Variants in TRMT2B observed in about 807,000 individuals in gnomAD.
The protein encoded by TRMT2B is tRNA methyltransferase 2B, also known as tRNA (uracil-5-)-methyltransferase homolog B.
A neutral mutation model predicts 39.7 loss-of-function variants in TRMT2B; 34 were observed. The ratio of observed to expected loss-of-function variants is 0.86; its 90% CI spans 0.65 to 1.14. The LOEUF is 1.14. TRMT2B is among the 50% of genes most tolerant of loss of function. TRMT2B has a pLI of 0.00. For missense variants in TRMT2B, 318 were observed against 377.2 expected (o/e 0.84, Z 1.30); for synonymous variants, 132 against 137.3 (o/e 0.96, Z 0.27).
chrX:101,000,776 C>A, the TRMT2B span, among the ~76,000 whole-genome samples: 1 of 111,354 alleles, frequency 9.0e-6, no homozygotes, highest in South Asian at 3.8e-4. Context: ...CTTGGCTACA[C>A]AACAGTCATC....
intron 3 of TRMT2B, among the ~76,000 whole-genome samples, 189 bp downstream of exon 3, chrX:101,041,853 C>T (rs969659469): frequency 1.8e-5 from 2 of 111,812 alleles, no homozygotes; most frequent in African/African-American, 3.2e-5. Flanking sequence ...ACAAAGAGAA[C>T]GGTTTCTGCA....
At chrX:101,047,936 C>A (rs1230217044) in intron 2 of TRMT2B, among the ~76,000 whole-genome samples, 3 of 110,308 alleles carry the variant, frequency 2.7e-5, no homozygotes, top group African/African-American at 9.9e-5. Flanking sequence ...GAATTATAGG[C>A]ATGAGCCACC....
the TRMT2B span, among the ~76,000 whole-genome samples, chrX:100,985,507 T>A: frequency 8.9e-6 from 1 of 111,743 alleles, no homozygotes; most frequent in East Asian, 2.8e-4. Context: ...GATCTAACTA[T>A]ATTTCCCTAC....
At chrX:101,018,048 T>G (rs777416138) in intron 13 of TRMT2B, among the ~76,000 whole-genome samples, 149 of 111,270 alleles carry the variant, frequency 1.3e-3, no homozygotes, top group Non-Finnish European at 1.7e-3. Flanking sequence ...CTGGGCAACA[T>G]AGTGAGACTT....
intron 7 of TRMT2B, 76 bp from the exon 8 acceptor site, chrX:101,023,692 T>C (rs2148017300): frequency 1.0e-6 from 1 of 993,459 alleles, no homozygotes; most frequent in Non-Finnish European, 1.4e-6. Context: ...AGGTGATTGT[T>C]TGTGTTACAT....
intron 8 of TRMT2B, among the ~76,000 whole-genome samples, chrX:101,022,510 A>G (rs2087863321): frequency 9.1e-6 from 1 of 110,351 alleles, no homozygotes; most frequent in Admixed American, 9.8e-5. Flanking sequence ...AATCCCAGCT[A>G]CTTGGGAGGC....
chrX:100,985,626 C>T, the TRMT2B span: 6 of 1,176,294 alleles, frequency 5.1e-6, no homozygotes, highest in South Asian at 2.0e-5. Context: ...TATGGAGTTT[C>T]GATCTAAGTG....
chrX:101,038,371 C>CAAA (rs57481304), intron 4 of TRMT2B, among the ~76,000 whole-genome samples: 5,351 of 34,900 alleles, frequency 0.15, 592 homozygotes, highest in Non-Finnish European at 0.17. Context: ...AACTCCGTCT[C>CAAA]AAAAAAAAAA....
At position 101,051,805 on chromosome X, in the gene TRMT2B, C is replaced by T. The variant is rs1050650746; in HGVS notation, c.-507+12G>A. On this transcript the variant is annotated intron_variant, in intron 1 of 13. Transcript: ENST00000372936. ...TTACCTTCCTTCGTAACCAATAAATCCTCTTACAAACCTGAGGCGGCAAAC... is the reference window on the plus strand; with the variant it reads ...TTACCTTCCTTCGTAACCAATAAATTCTCTTACAAACCTGAGGCGGCAAAC... 1 of 553,259 alleles carries T rather than the reference C, an allele frequency of 1.8e-6. No individual in the cohort carries two copies. The highest frequency in any genetic ancestry group is 2.5e-5 in the African/African-American group (1 of 39,737). The allele number at this position is 553,259 out of a possible 1,213,427, so 45.6% of individuals were successfully genotyped here. A position where few individuals can be genotyped will look rare whatever the true frequency, so the allele number is the denominator to read the frequency against.
chrX:100,987,387 C>T, the TRMT2B span: 3 of 1,207,423 alleles, frequency 2.5e-6, no homozygotes, highest in Non-Finnish European at 2.2e-6. Flanking sequence ...TCTTTTGTCA[C>T]AGGAGCCATG....
chrX:101,004,658 T>C (rs756717575), downstream of TRMT2B, among the ~76,000 whole-genome samples: 6 of 110,529 alleles, frequency 5.4e-5, no homozygotes, highest in Non-Finnish European at 1.1e-4. Context: ...TGCACCACCA[T>C]GCCCAGCTAA....
chrX:101,034,493 G>C (rs748920635), intron 7 of TRMT2B, among the ~76,000 whole-genome samples: 2 of 111,215 alleles, frequency 1.8e-5, no homozygotes, highest in Non-Finnish European at 3.8e-5. Context: ...CCCATGGCAG[G>C]GAGGGAACTG....
chrX:101,030,451 A>ATTATTTTTTTTTT (rs1248355991), intron 7 of TRMT2B, among the ~76,000 whole-genome samples: 2 of 46,570 alleles, frequency 4.3e-5, no homozygotes, highest in African/African-American at 1.7e-4. Context: ...ATAGATCTGC[A>ATTATTTTTTTTTT]TTCTTTTTTT....
At chrX:100,975,415 G>A in the TRMT2B span, among the ~76,000 whole-genome samples, 1 of 111,331 alleles carries the variant, frequency 9.0e-6, no homozygotes, top group Non-Finnish European at 1.9e-5. Flanking sequence ...TCCACGCATC[G>A]CTCTGGCATG....
At chrX:100,976,364 A>T in the TRMT2B span, among the ~76,000 whole-genome samples, 3 of 110,846 alleles carry the variant, frequency 2.7e-5, no homozygotes, top group African/African-American at 6.6e-5. Flanking sequence ...CCTAGAGTCT[A>T]TTTATTTTGT....
At chrX:101,006,205 G>T (rs2086100867), downstream of TRMT2B, among the ~76,000 whole-genome samples, 1 of 111,081 alleles carries the variant, frequency 9.0e-6, no homozygotes, top group Non-Finnish European at 1.9e-5. Flanking sequence ...ACTCCAGCCT[G>T]GGTGACAGAG....
chrX:100,991,440 G>T, the TRMT2B span, among the ~76,000 whole-genome samples: 4 of 110,884 alleles, frequency 3.6e-5, no homozygotes, highest in African/African-American at 1.3e-4. Flanking sequence ...GTGCAGCGGC[G>T]TGATCTCGAC....
chrX:100,989,079 C>T, the TRMT2B span, among the ~76,000 whole-genome samples: 295 of 109,458 alleles, frequency 2.7e-3, 1 homozygote, highest in African/African-American at 9.1e-3. Context: ...TGCATCTATG[C>T]CATGGAATAC....
At chrX:101,037,781 C>G in intron 5 of TRMT2B, 136 bp downstream of exon 5, 3 of 649,631 alleles carry the variant, frequency 4.6e-6, no homozygotes, top group South Asian at 6.3e-5. Flanking sequence ...TTATTATAAA[C>G]AGTAAAATGT....
Sources: gnomAD v4.1 joint callset for allele counts (sites outside exome capture counted in the v4.1 genomes callset) on GRCh38, gnomAD v4.1.1 for gene constraint, MANE v1.5 for transcripts, NCBI Gene and HGNC (gene_info 2026-07-23, HGNC 2026-07-21) for gene names.